Variants in NPY2R observed in about 807,000 individuals in gnomAD.
The protein encoded by NPY2R is neuropeptide Y receptor type 2.
A neutral mutation model predicts 22.3 loss-of-function variants in NPY2R; 17 were observed. The observed-to-expected ratio is 0.76, with a 90% CI of 0.52 to 1.14. NPY2R has a LOEUF of 1.14. Ranked by LOEUF, NPY2R falls within the 50% of genes most tolerant of loss-of-function variation. The probability of loss-of-function intolerance (pLI) is 0.00; values close to 1 mark genes in which losing one functional copy is unlikely to be tolerated. For synonymous variants in NPY2R, 209 were observed against 183.4 expected (o/e 1.14, Z -1.13); for missense variants, 424 against 467.9 (o/e 0.91, Z 0.87).
chr4:155,182,815 T>C, the NPY2R span, among the ~76,000 whole-genome samples: 1 of 152,068 alleles, frequency 6.6e-6, no homozygotes, highest in Non-Finnish European at 1.5e-5. Context: ...TTTTTTGAGA[T>C]GGAGTCTCGC....
At chr4:155,206,477 T>G (rs1729286473), upstream of NPY2R, 1 of 152,198 alleles carries the variant, frequency 6.6e-6, no homozygotes, top group African/African-American at 2.4e-5. Flanking sequence ...TTCCCACAGC[T>G]CTCCTTGATA....
the NPY2R span, among the ~76,000 whole-genome samples, chr4:155,185,004 G>A: frequency 6.8e-6 from 1 of 147,890 alleles, no homozygotes; most frequent in African/African-American, 2.5e-5. Flanking sequence ...TGGAATGAGA[G>A]AGAGTAAAAA....
At chr4:155,193,852 G>T in the NPY2R span, among the ~76,000 whole-genome samples, 3 of 151,834 alleles carry the variant, frequency 2.0e-5, no homozygotes, top group Admixed American at 2.0e-4. Flanking sequence ...AAACAAACAT[G>T]GAAACAAACA....
At chr4:155,209,291 T>C (rs779777740) in intron 1 of NPY2R, among the ~76,000 whole-genome samples, 1 of 152,230 alleles carries the variant, frequency 6.6e-6, no homozygotes, top group Non-Finnish European at 1.5e-5. Flanking sequence ...ACTATTTCCT[T>C]GACCCTTCTT....
the NPY2R span, among the ~76,000 whole-genome samples, chr4:155,178,652 T>C: frequency 6.6e-6 from 1 of 152,228 alleles, no homozygotes; most frequent in Non-Finnish European, 1.5e-5. Flanking sequence ...CAGTTGTTCA[T>C]ATATTTTGAA....
In NPY2R at chr4:155,214,821, C is replaced by G. The variant is rs866296956; in HGVS notation, c.882C>G (p.Asp294Glu). 6.2e-7 allele frequency: 1 copy of G among 1,611,512 alleles called. No homozygotes were observed. The change falls in exon 2 of 2, where the codon GAC (aspartate) becomes GAG (glutamate). Residue 294 changes from aspartate (D) to glutamate (E), a missense_variant. Physicochemically the swap from Asp to Glu is conservative, Grantham distance 45. Coordinates refer to ENST00000329476, the MANE Select transcript of NPY2R (RefSeq NM_000910.4). ...LHAFQLAVDI[D>E]SQVLDLKEYK... ...CCTTCCAGCTTGCCGTTGACATTGA[C>G]AGCCAGGTCCTGGACCTGAAGGAGT...
the NPY2R span, among the ~76,000 whole-genome samples, chr4:155,174,542 T>C: frequency 6.7e-6 from 1 of 149,266 alleles, no homozygotes; most frequent in Non-Finnish European, 1.5e-5. Context: ...TCAGGATATA[T>C]TTCACTCAGT....
intron 1 of NPY2R, among the ~76,000 whole-genome samples, chr4:155,210,859 G>C (rs780707348): frequency 1.3e-5 from 2 of 152,146 alleles, no homozygotes; most frequent in Non-Finnish European, 2.9e-5. Flanking sequence ...TGAGATAAAT[G>C]GAGCGGGAGA....
the NPY2R span, among the ~76,000 whole-genome samples, chr4:155,194,034 G>A: frequency 0.021 from 3,116 of 151,976 alleles, 118 homozygotes; most frequent in African/African-American, 0.07. Context: ...AACCTGCTTA[G>A]CATGTTAATG....
the NPY2R span, among the ~76,000 whole-genome samples, chr4:155,174,795 A>G: frequency 6.6e-6 from 1 of 152,004 alleles, no homozygotes; most frequent in Non-Finnish European, 1.5e-5. Flanking sequence ...ATGTGAATGT[A>G]AATTTTCTGA....
At chr4:155,180,100 T>G in the NPY2R span, among the ~76,000 whole-genome samples, 3 of 152,076 alleles carry the variant, frequency 2.0e-5, no homozygotes, top group South Asian at 2.1e-4. Context: ...CTTTATTTTT[T>G]CTTAAGATGG....
At chr4:155,188,112 A>G in the NPY2R span, among the ~76,000 whole-genome samples, 1 of 152,094 alleles carries the variant, frequency 6.6e-6, no homozygotes, top group Non-Finnish European at 1.5e-5. Flanking sequence ...CATAAGCACT[A>G]TGAGTACAAC....
At chr4:155,180,014 T>A in the NPY2R span, among the ~76,000 whole-genome samples, 137 of 28,650 alleles carry the variant, frequency 4.8e-3, no homozygotes, top group Middle Eastern at 0.077. Flanking sequence ...TTTTATTTTG[T>A]TTTTTTTTTT....
the NPY2R span, among the ~76,000 whole-genome samples, chr4:155,195,114 T>A: frequency 1.3e-5 from 2 of 151,998 alleles, no homozygotes; most frequent in South Asian, 4.1e-4. Context: ...AATAATTTTA[T>A]CAGTGTAAAC....
chr4:155,180,875 A>C, the NPY2R span, among the ~76,000 whole-genome samples: 1 of 151,764 alleles, frequency 6.6e-6, no homozygotes, highest in Non-Finnish European at 1.5e-5. Context: ...TAAATAGATT[A>C]TATGTGATAG....
chr4:155,203,477 TA>T, the NPY2R span, among the ~76,000 whole-genome samples: 1 of 152,178 alleles, frequency 6.6e-6, no homozygotes, highest in South Asian at 2.1e-4. Flanking sequence ...AAGTTTTTTT[TA>T]AAAAGACTAT....
At chr4:155,188,943 A>T in the NPY2R span, among the ~76,000 whole-genome samples, 2 of 152,146 alleles carry the variant, frequency 1.3e-5, no homozygotes, top group African/African-American at 4.8e-5. Context: ...TGTTTTACTT[A>T]GTAATAAATA....
At position 155,215,459 on chromosome 4, in the gene NPY2R, G is replaced by A; in HGVS notation, c.*374G>A. 2.8e-6 allele frequency: 1 copy of A among 352,056 alleles called. No individual in the cohort carries two copies. The highest frequency in any genetic ancestry group is 2.6e-5 in the South Asian group (1 of 39,188). The allele number at this position is 352,056 out of a possible 1,614,324, so 21.8% of individuals were successfully genotyped here. ...TGACTTTCAAATCACGTTAGGACCT[G>A]GATTGAGGAGGTGTGCAGTTCGCTG... On this transcript the variant is annotated 3_prime_UTR_variant, in exon 2 of 2. Coordinates refer to ENST00000329476, the MANE Select transcript of NPY2R (RefSeq NM_000910.4).
chr4:155,196,765 G>T, the NPY2R span, among the ~76,000 whole-genome samples: 1 of 151,648 alleles, frequency 6.6e-6, no homozygotes, highest in African/African-American at 2.4e-5. Flanking sequence ...TACCAAAGAG[G>T]ACTCTCTGGG....
Sources: allele counts gnomAD v4.1 joint callset (sites outside exome capture counted in the v4.1 genomes callset), GRCh38; gene constraint gnomAD v4.1.1; transcripts MANE v1.5; gene names NCBI Gene and HGNC (gene_info 2026-07-23, HGNC 2026-07-21).